TTC28: variants seen among roughly 807,000 people sequenced by gnomAD.
TTC28 encodes tetratricopeptide repeat domain 28.
A neutral mutation model predicts 198.0 loss-of-function variants in TTC28; 61 were observed. The observed-to-expected ratio is 0.31, with a 90% CI of 0.25 to 0.38. The LOEUF (loss-of-function observed/expected upper bound fraction) is 0.38. TTC28 is among the 10% of genes least tolerant of loss of function. TTC28 has a pLI of 1.00. For synonymous variants in TTC28, 1,171 were observed against 1,297.8 expected (o/e 0.90, Z 2.10); for missense variants, 2,678 against 3,164.0 (o/e 0.85, Z 3.69).
chr22:28,165,644 C>A (rs560288397), intron 5 of TTC28, among the ~76,000 whole-genome samples: 11 of 152,108 alleles, frequency 7.2e-5, no homozygotes, highest in African/African-American at 2.4e-4. Context: ...ATTTTGTCAC[C>A]ACCAGGCCTG....
chr22:28,498,057 C>T (rs997738335), intron 2 of TTC28, among the ~76,000 whole-genome samples: 1 of 151,146 alleles, frequency 6.6e-6, no homozygotes, highest in Non-Finnish European at 1.5e-5. Flanking sequence ...AGAGTAGCCA[C>T]GGTTTTCACA....
intron 5 of TTC28, among the ~76,000 whole-genome samples, chr22:28,287,852 C>T (rs2044713473): frequency 6.6e-6 from 1 of 152,034 alleles, no homozygotes; most frequent in Admixed American, 6.6e-5. Context: ...CAAGAAGAAA[C>T]TAGAATCAGG....
At chr22:28,156,108 T>G (rs1175740383) in intron 6 of TTC28, among the ~76,000 whole-genome samples, 1 of 152,240 alleles carries the variant, frequency 6.6e-6, no homozygotes, top group Non-Finnish European at 1.5e-5. Context: ...TATGGCAGGC[T>G]GAATAATGAC....
At chr22:28,340,163 A>G (rs2045806521) in intron 2 of TTC28, among the ~76,000 whole-genome samples, 1 of 152,146 alleles carries the variant, frequency 6.6e-6, no homozygotes, top group Non-Finnish European at 1.5e-5. Context: ...TACCCTTATT[A>G]TGGACGAGTT....
At chr22:28,150,235 T>TTAC (rs1943575827) in intron 6 of TTC28, among the ~76,000 whole-genome samples, 1 of 152,168 alleles carries the variant, frequency 6.6e-6, no homozygotes, top group Non-Finnish European at 1.5e-5. Flanking sequence ...AAGCAGAACA[T>TTAC]TACCAGAGCC....
chr22:28,330,099 C>T lies in TTC28; in HGVS notation c.382-23456G>A, dbSNP rs566385470. 2.6e-5 allele frequency among the ~76,000 whole-genome samples: 4 copies of T among 152,244 alleles called. No individual in the cohort carries two copies. In the South Asian group the frequency reaches 8.3e-4, roughly 32 times the overall value. Reference sequence around the variant, plus strand: ...CAAAAACAAAACAGCAGGGATGGGGCAAATGAATTCTTTTTCAAAAAGAGC... The same window carrying T: ...CAAAAACAAAACAGCAGGGATGGGGTAAATGAATTCTTTTTCAAAAAGAGC... On this transcript the variant is annotated intron_variant, in intron 2 of 22. Coordinates refer to ENST00000397906, the MANE Select transcript of TTC28 (RefSeq NM_001145418.2).
chr22:28,677,203 C>T (rs9620814), intron 1 of TTC28, among the ~76,000 whole-genome samples: 7,640 of 86,004 alleles, frequency 0.089, 518 homozygotes, highest in African/African-American at 0.21. Flanking sequence ...TATATATATA[C>T]ACACATATAT....
intron 13 of TTC28, among the ~76,000 whole-genome samples, chr22:28,019,239 T>C (rs1327852542): frequency 1.3e-5 from 2 of 152,202 alleles, no homozygotes; most frequent in African/African-American, 4.8e-5. Context: ...TTGTAGGGCC[T>C]CTTCTAGGGT....
chr22:28,169,741 A>T (rs1372465900), intron 5 of TTC28, among the ~76,000 whole-genome samples: 2 of 152,128 alleles, frequency 1.3e-5, no homozygotes, highest in African/African-American at 4.8e-5. Context: ...TAATGGGTGC[A>T]GCACACCAAC....
chr22:28,619,201 A>C (rs1267738502), intron 2 of TTC28, among the ~76,000 whole-genome samples: 4 of 152,196 alleles, frequency 2.6e-5, no homozygotes, highest in Admixed American at 2.6e-4. Flanking sequence ...GATGATCATC[A>C]CATTAATAAC....
chr22:28,327,205 G>T (rs1002569718), intron 2 of TTC28, among the ~76,000 whole-genome samples: 1 of 152,096 alleles, frequency 6.6e-6, no homozygotes, highest in Admixed American at 6.5e-5. Context: ...ATAGAAATAT[G>T]TGCAGTTGAT....
At chr22:28,061,623 T>G (rs549687855) in intron 12 of TTC28, among the ~76,000 whole-genome samples, 57 of 152,332 alleles carry the variant, frequency 3.7e-4, no homozygotes, top group African/African-American at 1.3e-3. Flanking sequence ...TATTGTAGCT[T>G]TGTAGTACAG....
At chr22:27,992,531 C>G in intron 19 of TTC28, 56 bp downstream of exon 19, 1 of 1,533,324 alleles carries the variant, frequency 6.5e-7, no homozygotes, top group Non-Finnish European at 8.8e-7. Context: ...GTTGCTCTGC[C>G]TTTCCAAATC....
intron 5 of TTC28, among the ~76,000 whole-genome samples, chr22:28,248,455 T>A (rs1173332879): frequency 6.6e-6 from 1 of 152,202 alleles, no homozygotes; most frequent in Non-Finnish European, 1.5e-5. Flanking sequence ...AATACAATTC[T>A]TAACACTGAC....
intron 5 of TTC28, among the ~76,000 whole-genome samples, chr22:28,219,505 T>TAA (rs760838089): frequency 1.5e-5 from 2 of 134,390 alleles, no homozygotes; most frequent in African/African-American, 5.6e-5. Flanking sequence ...GAGACTTTGT[T>TAA]AAAAAAAAAA....
intron 2 of TTC28, among the ~76,000 whole-genome samples, chr22:28,324,641 C>A (rs1422236503): frequency 2.0e-5 from 3 of 152,112 alleles, no homozygotes; most frequent in Non-Finnish European, 4.4e-5. Context: ...ACAAAAACCA[C>A]ATGATTATCT....
At chr22:28,497,295 G>C (rs1232863596) in intron 2 of TTC28, among the ~76,000 whole-genome samples, 1 of 152,070 alleles carries the variant, frequency 6.6e-6, no homozygotes, top group Admixed American at 6.6e-5. Context: ...AAGGTATATA[G>C]AAAACTAAAC....
intron 6 of TTC28, among the ~76,000 whole-genome samples, chr22:28,152,814 A>C (rs1022280880): frequency 2.6e-4 from 39 of 152,236 alleles, no homozygotes; most frequent in Non-Finnish European, 5.4e-4. Context: ...ATAAAATATC[A>C]TCAGGTTTCC....
chr22:28,452,166 G>T (rs1371395907), intron 2 of TTC28, among the ~76,000 whole-genome samples: 1 of 151,972 alleles, frequency 6.6e-6, no homozygotes, highest in East Asian at 1.9e-4. Context: ...AAGGTGGGCG[G>T]ATCACAAGGT....
Sources: gnomAD v4.1 joint callset for allele counts (sites outside exome capture counted in the v4.1 genomes callset) on GRCh38, gnomAD v4.1.1 for gene constraint, MANE v1.5 for transcripts, NCBI Gene and HGNC (gene_info 2026-07-23, HGNC 2026-07-21) for gene names.